Variants in MCPH1 observed in about 807,000 individuals in gnomAD.
MCPH1 encodes microcephalin 1, also known as microcephalin.
A neutral mutation model predicts 84.5 loss-of-function variants in MCPH1; 104 were observed. The observed-to-expected ratio is 1.23, with a 90% confidence interval of 1.05 to 1.45. MCPH1 has a LOEUF of 1.45. Among genes scored for constraint, MCPH1 ranks in the 40% most tolerant of loss-of-function variants. The probability of loss-of-function intolerance (pLI) is 0.00; values close to 1 mark genes in which losing one functional copy is unlikely to be tolerated. For synonymous variants in MCPH1, 514 were observed against 366.8 expected (o/e 1.40, Z -4.58); for missense variants, 1,498 against 1,005.7 (o/e 1.49, Z -6.62).
chr8:6,500,350 C>G (rs1252974170), intron 12 of MCPH1: 1 of 161,548 alleles, frequency 6.2e-6, no homozygotes, highest in East Asian at 1.7e-4. Context: ...TCCACTTCAA[C>G]TTTCAAATGC....
At chr8:6,485,524 A>G (rs914122138) in intron 11 of MCPH1, among the ~76,000 whole-genome samples, 2 of 148,608 alleles carry the variant, frequency 1.3e-5, no homozygotes, top group Admixed American at 6.7e-5. Flanking sequence ...CAGCTTTTCT[A>G]TCTTAAAAAA....
chr8:6,524,213 G>A (rs1175748592), intron 12 of MCPH1, among the ~76,000 whole-genome samples: 2 of 152,002 alleles, frequency 1.3e-5, no homozygotes, highest in Middle Eastern at 3.2e-3. Context: ...TTTGAGTCCC[G>A]TATAAGTCAG....
At chr8:6,574,799 A>G (rs1278847098) in intron 12 of MCPH1, among the ~76,000 whole-genome samples, 1 of 152,208 alleles carries the variant, frequency 6.6e-6, no homozygotes, top group Admixed American at 6.5e-5. Context: ...ATGGAGGAAG[A>G]GTGTCTGACA....
At chr8:6,556,859 G>A (rs1482485482) in intron 12 of MCPH1, among the ~76,000 whole-genome samples, 1 of 152,084 alleles carries the variant, frequency 6.6e-6, no homozygotes, top group Non-Finnish European at 1.5e-5. Flanking sequence ...AAAGCTCTAG[G>A]ATTACAGGTG....
At chr8:6,522,077 C>T (rs1052463789) in intron 12 of MCPH1, among the ~76,000 whole-genome samples, 2 of 152,178 alleles carry the variant, frequency 1.3e-5, no homozygotes, top group Non-Finnish European at 2.9e-5. Flanking sequence ...AAATGCTGGC[C>T]GGGCGCAGTG....
chr8:6,483,636 G>C (rs1440911018), intron 11 of MCPH1, among the ~76,000 whole-genome samples: 2 of 152,146 alleles, frequency 1.3e-5, no homozygotes, highest in Non-Finnish European at 2.9e-5. Context: ...ACTTTGGGTG[G>C]ATCACCTGAG....
chr8:6,414,042 C>G (rs958777115), intron 2 of MCPH1, among the ~76,000 whole-genome samples: 37 of 152,292 alleles, frequency 2.4e-4, no homozygotes, highest in African/African-American at 8.7e-4. Context: ...TGTGAACCAC[C>G]ACACCCAGTT....
At chr8:6,635,602 C>G (rs895524074) in intron 13 of MCPH1, among the ~76,000 whole-genome samples, 2 of 151,964 alleles carry the variant, frequency 1.3e-5, no homozygotes, top group African/African-American at 4.8e-5. Context: ...CAAAAAAACC[C>G]AAAAAACTAA....
chr8:6,411,477 A>C (rs912195485), intron 2 of MCPH1, among the ~76,000 whole-genome samples: 1 of 152,244 alleles, frequency 6.6e-6, no homozygotes, highest in African/African-American at 2.4e-5. Context: ...GATATGCCAG[A>C]GAAGCCTTAA....
At chr8:6,422,991 T>G (rs12335164) in intron 3 of MCPH1, among the ~76,000 whole-genome samples, 2,072 of 147,782 alleles carry the variant, frequency 0.014, 122 homozygotes, top group African/African-American at 0.051. Context: ...CCCGGCCAAT[T>G]TTTATATTTT....
intron 12 of MCPH1, among the ~76,000 whole-genome samples, chr8:6,576,649 A>G (rs1411891841): frequency 7.5e-6 from 1 of 133,296 alleles, no homozygotes; most frequent in Non-Finnish European, 1.6e-5. Context: ...CTGGGATTAC[A>G]GGTGCCCGCC....
At chr8:6,572,073 G>A (rs1016100711) in intron 12 of MCPH1, among the ~76,000 whole-genome samples, 4 of 151,968 alleles carry the variant, frequency 2.6e-5, no homozygotes, top group Admixed American at 1.3e-4. Context: ...TTTCAAGTAA[G>A]GGGTCTAAAA....
rs138933715 is a variant in MCPH1 at position 6,601,625 on chromosome 8, C to T, written c.2215-19829C>T. Among the ~76,000 whole-genome samples, 558 of 151,610 alleles carry T rather than the reference C, an allele frequency of 3.7e-3. 3 individuals are homozygous for T. Among genetic ancestry groups the T allele is most frequent in the African/African-American group, 0.013 (524 of 41,290 alleles). Reference sequence around the variant, plus strand: ...ACACACCATACACACCACCCACCCACATGCACACCATACATACACATACAC... The same window carrying T: ...ACACACCATACACACCACCCACCCATATGCACACCATACATACACATACAC... On this transcript the variant is annotated intron_variant, in intron 12 of 13. Coordinates refer to ENST00000344683, the MANE Select transcript of MCPH1 (RefSeq NM_024596.5).
rs561805322 is a variant in MCPH1, at chr8:6,489,246, A to G, written c.2136+8370A>G. Among the ~76,000 whole-genome samples the G allele has an allele frequency of 3.3e-5, 5 of 152,286 alleles. No individual in the cohort carries two copies. The South Asian group carries it at 1.0e-3, about 32-fold the overall frequency. On this transcript the variant is annotated intron_variant, in intron 11 of 13. Transcript: ENST00000344683. ...GGTACCTGGAAGGGAGTGTGAATGA[A>G]GAAATGAAGAAAACAGTGAGTTTAG... is the stretch of plus-strand genomic sequence containing the variant.
Position 6,448,408 on chromosome 8 carries a change from G to C in MCPH1, c.1825+2861G>C, listed in dbSNP as rs116548919. ...CAGGAAGGAGGTTGGAGAGGGGTAA[G>C]AGCCAGAGCTTTGGGACCTTCAGTC... On this transcript the variant is annotated intron_variant, in intron 8 of 13. Coordinates refer to ENST00000344683, the MANE Select transcript of MCPH1 (RefSeq NM_024596.5). Among the ~76,000 whole-genome samples the C allele has an allele frequency of 5.0e-3, 766 of 152,338 alleles. 8 individuals are homozygous for C. Among genetic ancestry groups the C allele is most frequent in the African/African-American group, 0.017 (706 of 41,574 alleles).
At chr8:6,407,981 A>G (rs762269047) in intron 1 of MCPH1, among the ~76,000 whole-genome samples, 39 of 152,334 alleles carry the variant, frequency 2.6e-4, no homozygotes, top group Admixed American at 8.5e-4. Flanking sequence ...TATATTACCT[A>G]TGGTTATGTT....
At chr8:6,514,742 T>C in intron 12 of MCPH1, 1 of 1,614,096 alleles carries the variant, frequency 6.2e-7, no homozygotes, top group Non-Finnish European at 8.5e-7. Context: ...TGAATAATTG[T>C]CCACCCGCCT....
At chr8:6,599,861 G>C (rs578087108) in intron 12 of MCPH1, among the ~76,000 whole-genome samples, 2 of 152,284 alleles carry the variant, frequency 1.3e-5, no homozygotes, top group Non-Finnish European at 2.9e-5. Flanking sequence ...ACCAATTTTT[G>C]TAATTATGTA....
chr8:6,532,223 G>C (rs1819656489), intron 12 of MCPH1: 2 of 1,237,838 alleles, frequency 1.6e-6, no homozygotes, highest in Non-Finnish European at 2.3e-6. Context: ...TTTCTCCTGT[G>C]GTGGTGCTTT....
Sources: gnomAD v4.1 joint callset for allele counts (sites outside exome capture counted in the v4.1 genomes callset) on GRCh38, gnomAD v4.1.1 for gene constraint, MANE v1.5 for transcripts, NCBI Gene and HGNC (gene_info 2026-07-23, HGNC 2026-07-21) for gene names.